Variants in ATP9B observed in about 807,000 individuals in gnomAD.
ATP9B encodes the protein probable phospholipid-transporting ATPase IIB.
A neutral mutation model predicts 146.1 loss-of-function variants in ATP9B; 110 were observed. The observed-to-expected ratio is 0.75, with a 90% confidence interval of 0.65 to 0.88. ATP9B has a LOEUF of 0.88. Among genes scored for constraint, ATP9B ranks in the 40% least tolerant of loss-of-function variants. ATP9B has a pLI of 0.00. For missense variants in ATP9B, 1,499 were observed against 1,496.4 expected, an observed-to-expected ratio of 1.00 and a Z score of -0.03; for synonymous variants, 604 against 569.7, an observed-to-expected ratio of 1.06 and a Z score of -0.86.
At chr18:79,243,217 T>A (rs548759102) in intron 11 of ATP9B, among the ~76,000 whole-genome samples, 1 of 152,240 alleles carries the variant, frequency 6.6e-6, no homozygotes, top group East Asian at 1.9e-4. Flanking sequence ...ACCTAGTGAC[T>A]TTGTTCACGA....
At chr18:79,069,696 C>T (rs1241107772) in intron 1 of ATP9B, among the ~76,000 whole-genome samples, 167 bp downstream of exon 1, 1 of 152,230 alleles carries the variant, frequency 6.6e-6, no homozygotes, top group Non-Finnish European at 1.5e-5. Context: ...GCTGTGGCGT[C>T]CGCCGGTGGT....
At chr18:79,172,130 G>T (rs888112586) in intron 7 of ATP9B, among the ~76,000 whole-genome samples, 1 of 152,140 alleles carries the variant, frequency 6.6e-6, no homozygotes, top group African/African-American at 2.4e-5. Flanking sequence ...CTCATGATCC[G>T]CCCACCTCAA....
intron 1 of ATP9B, among the ~76,000 whole-genome samples, chr18:79,080,202 C>A (rs559828297): frequency 2.6e-5 from 4 of 152,134 alleles, no homozygotes; most frequent in African/African-American, 7.2e-5. Context: ...GCTTGATGGG[C>A]ATAGCATTGA....
At position 79,329,273 on chromosome 18, in the gene ATP9B, G is replaced by A. The variant is rs35782512; in HGVS notation, c.1906G>A (p.Glu636Lys). ...TCTGCAGCTGTTTCCCTTCACCTCC[G>A]AGAGCAAGCGGATGGGCGTCATCGT... The part of the protein sequence containing the change: ...CILQLFPFTS[E>K]SKRMGVIVRD... The change falls in exon 16 of 30, where the codon GAG becomes AAG. Residue 636 changes from glutamate (E) to lysine (K), a missense_variant. Physicochemically the swap from Glu to Lys is moderately conservative, Grantham distance 56. Coordinates refer to ENST00000426216, the MANE Select transcript of ATP9B (RefSeq NM_198531.5). 172 of 1,611,266 alleles carry A rather than the reference G, an allele frequency of 1.1e-4. No homozygotes were observed. Among genetic ancestry groups the A allele is most frequent in the Non-Finnish European group, 1.3e-4 (156 of 1,179,008 alleles).
rs888065342 is a variant in ATP9B at position 79,073,118 on chromosome 18, G to A, written c.119+3589G>A. Among the ~76,000 whole-genome samples the A allele has an allele frequency of 2.0e-4, 31 of 151,286 alleles. 1 individual carries two copies. Among genetic ancestry groups the A allele is most frequent in the African/African-American group, 2.7e-4 (11 of 41,128 alleles). On this transcript the variant is annotated intron_variant, in intron 1 of 29. Transcript: ENST00000426216. ...TCACTTCCTAGATGGGGTGGCGGCC[G>A]GGAAGAGGCGCTTCTCACTTCCCAG...
chr18:79,176,987 G>A (rs1385380927), intron 8 of ATP9B, 80 bp downstream of exon 8: 2 of 1,202,834 alleles, frequency 1.7e-6, no homozygotes, highest in Non-Finnish European at 2.4e-6. Flanking sequence ...GTTTATACCA[G>A]CTAATTTATT....
Position 79,374,081 on chromosome 18 carries a change from C to T in ATP9B, c.3254C>T (p.Ala1085Val). 1 of 1,614,188 alleles carries T rather than the reference C, an allele frequency of 6.2e-7. No homozygotes were observed. Among genetic ancestry groups the T allele is most frequent in the Non-Finnish European group, 8.5e-7 (1 of 1,180,038 alleles). Residue 1085 changes from alanine to valine, a missense_variant, in exon 28 of 30, where the codon GCT becomes GTT. Ala to Val is a moderately conservative substitution (Grantham distance 64). Coordinates refer to ENST00000426216, the MANE Select transcript of ATP9B (RefSeq NM_198531.5). The part of the protein sequence containing the change: ...LSLGCYVSSL[A>V]FLNEYFGIGR... ...TTAGGCTGCTACGTGTCCTCACTCGCTTTTCTCAATGAATATTTTGGTAAG... is the reference window on the plus strand; with the variant it reads ...TTAGGCTGCTACGTGTCCTCACTCGTTTTTCTCAATGAATATTTTGGTAAG...
At chr18:79,326,998 C>T (rs892184229) in intron 15 of ATP9B, among the ~76,000 whole-genome samples, 1 of 152,234 alleles carries the variant, frequency 6.6e-6, no homozygotes, top group Non-Finnish European at 1.5e-5. Flanking sequence ...AGAGGTGCAG[C>T]CATTTGCCCA....
chr18:79,307,178 G>C lies in ATP9B; in HGVS notation c.1717G>C (p.Ala573Pro). The stretch of plus-strand genomic sequence containing the variant: ...TACTGAGGAGACTGAGTTCGCAGAG[G>C]CTGACCAAGACTTCAGTGATGAGAA... ...GVTEETEFAE[A>P]DQDFSDENRT... Residue 573 changes from alanine (A) to proline (P), a missense_variant, in exon 15 of 30, where the codon GCT (alanine) becomes CCT (proline). Ala to Pro is a conservative substitution (Grantham distance 27). Coordinates refer to ENST00000426216, the MANE Select transcript of ATP9B (RefSeq NM_198531.5). 6.2e-7 allele frequency: 1 copy of C among 1,614,242 alleles called. No homozygotes were observed. The highest frequency in any genetic ancestry group is 8.5e-7 in the Non-Finnish European group (1 of 1,180,042).
At chr18:79,216,593 G>T (rs1440672058) in intron 11 of ATP9B, among the ~76,000 whole-genome samples, 1 of 152,208 alleles carries the variant, frequency 6.6e-6, no homozygotes, top group Non-Finnish European at 1.5e-5. Context: ...TGGTCATTTT[G>T]TAACTAGTTT....
chr18:79,348,006 G>C (rs1236625563), intron 24 of ATP9B, 81 bp downstream of exon 24: 4 of 1,603,810 alleles, frequency 2.5e-6, no homozygotes, highest in African/African-American at 2.7e-5. Context: ...GTCCGGGAGT[G>C]GGGGTGCTGA....
chr18:79,194,265 TG>T (rs1227801256), intron 9 of ATP9B: 3 of 152,250 alleles, frequency 2.0e-5, no homozygotes, highest in Admixed American at 6.5e-5. Flanking sequence ...AAGGTACCCT[TG>T]GTAAGATAAA....
chr18:79,095,501 A>G (rs776191505), intron 1 of ATP9B: 2 of 152,204 alleles, frequency 1.3e-5, no homozygotes, highest in Admixed American at 6.5e-5. Context: ...TTATGTGTCA[A>G]TTAAGGATGG....
intron 13 of ATP9B, among the ~76,000 whole-genome samples, chr18:79,290,044 A>G (rs1351095470): frequency 6.6e-6 from 1 of 152,062 alleles, no homozygotes; most frequent in Non-Finnish European, 1.5e-5. Context: ...CCTCCCAGTT[A>G]GGCTGCTCGG....
intron 25 of ATP9B, chr18:79,354,606 A>T (rs889453047): frequency 5.2e-5 from 6 of 115,532 alleles, no homozygotes; most frequent in African/African-American, 1.9e-4. Flanking sequence ...ACCCAGCCCC[A>T]CTTCCGGCCC....
chr18:79,126,418 A>T, intron 5 of ATP9B, 43 bp downstream of exon 5: 1 of 1,345,048 alleles, frequency 7.4e-7, no homozygotes, highest in Non-Finnish European at 1.0e-6. Flanking sequence ...TGCTTACTGT[A>T]ATTATCATTT....
chr18:79,122,942 T>C (rs1220828271), intron 4 of ATP9B, among the ~76,000 whole-genome samples: 1 of 152,186 alleles, frequency 6.6e-6, no homozygotes. Flanking sequence ...ATATAAAAAT[T>C]TCTTCTGTTC....
At chr18:79,070,274 A>G (rs760081068) in intron 1 of ATP9B, among the ~76,000 whole-genome samples, 2 of 152,226 alleles carry the variant, frequency 1.3e-5, no homozygotes, top group Non-Finnish European at 2.9e-5. Context: ...ATTTCACTCA[A>G]TATGTAGTTG....
At chr18:79,118,390 GT>G (rs752788043) in intron 4 of ATP9B, among the ~76,000 whole-genome samples, 4,843 of 92,784 alleles carry the variant, frequency 0.052, 155 homozygotes, top group African/African-American at 0.089. Flanking sequence ...GAACGTTTTT[GT>G]TTTTTTTTTT....
Sources: gnomAD v4.1 joint callset for allele counts (sites outside exome capture counted in the v4.1 genomes callset) on GRCh38, gnomAD v4.1.1 for gene constraint, MANE v1.5 for transcripts, NCBI Gene and HGNC (gene_info 2026-07-23, HGNC 2026-07-21) for gene names.